Variants in PLEKHA2 observed in about 807,000 individuals in gnomAD.
PLEKHA2 encodes the protein pleckstrin homology domain-containing family A member 2.
PLEKHA2 carries 28 observed loss-of-function variants against 53.2 expected under a neutral mutation model. The observed-to-expected ratio is 0.53, with a 90% CI of 0.39 to 0.72. The LOEUF is 0.72. Ranked by LOEUF, PLEKHA2 falls within the 30% of genes least tolerant of loss-of-function variation. The pLI is 0.00. For missense variants in PLEKHA2, 426 were observed against 537.9 expected (o/e 0.79, Z 2.06); for synonymous variants, 193 against 196.4 (o/e 0.98, Z 0.14).
At position 38,970,099 on chromosome 8, in the gene PLEKHA2, G is replaced by GTTTTAGC; in HGVS notation, c.*317_*323dup. On this transcript the variant is annotated 3_prime_UTR_variant, in exon 12 of 12. Coordinates refer to ENST00000617275, the MANE Select transcript of PLEKHA2 (RefSeq NM_021623.2). ...TCTGAGGTCTTCCTGGAGAGGGATT[G>GTTTTAGC]TTTTAGCAGCTCCTCTCCAGAGGGG... The GTTTTAGC allele has an allele frequency of 2.1e-6, 1 of 466,950 alleles. No individual in the cohort carries two copies. Among genetic ancestry groups the GTTTTAGC allele is most frequent in the Non-Finnish European group, 3.7e-6 (1 of 269,934 alleles). 28.9% of individuals were successfully genotyped at this position (466,950 alleles called of 1,614,324 possible). A position where few individuals can be genotyped will look rare whatever the true frequency, so the allele number is the denominator to read the frequency against.
At position 38,972,052 on chromosome 8, in the gene PLEKHA2, TAAAC is replaced by T. The variant is rs1209217335; in HGVS notation, c.*2271_*2274del. ...GATCTCTTTTGAGAATGTGACAAATTAAACATACATAGAATCCATATGGTATTAT... is the reference window on the plus strand; with the variant it reads ...GATCTCTTTTGAGAATGTGACAAATTATACATAGAATCCATATGGTATTAT... On this transcript the variant is annotated 3_prime_UTR_variant, in exon 12 of 12. Coordinates refer to ENST00000617275, the MANE Select transcript of PLEKHA2 (RefSeq NM_021623.2). 1 of 152,226 alleles carries T rather than the reference TAAAC, an allele frequency of 6.6e-6. No individual in the cohort carries two copies. Among genetic ancestry groups the T allele is most frequent in the Non-Finnish European group, 1.5e-5 (1 of 68,042 alleles). 9.4% of individuals were successfully genotyped at this position (152,226 alleles called of 1,614,324 possible). A position where few individuals can be genotyped will look rare whatever the true frequency, so the allele number is the denominator to read the frequency against.
chr8:38,937,483 G>T (rs1834518170), intron 3 of PLEKHA2, among the ~76,000 whole-genome samples: 1 of 152,166 alleles, frequency 6.6e-6, no homozygotes, highest in African/African-American at 2.4e-5. Flanking sequence ...TCCTGTGTGA[G>T]AGGGTTTGGG....
intron 10 of PLEKHA2, among the ~76,000 whole-genome samples, chr8:38,960,127 A>G (rs1387870892): frequency 1.3e-5 from 2 of 152,226 alleles, no homozygotes; most frequent in Non-Finnish European, 2.9e-5. Flanking sequence ...CACATTTACC[A>G]GAAGATTCTA....
At chr8:38,947,207 C>G (rs888758503) in intron 5 of PLEKHA2, among the ~76,000 whole-genome samples, 17 of 152,212 alleles carry the variant, frequency 1.1e-4, no homozygotes, top group African/African-American at 4.1e-4. Context: ...GGTGCAGTGG[C>G]TCACGCTTGT....
intron 2 of PLEKHA2, among the ~76,000 whole-genome samples, chr8:38,925,109 T>C (rs7835508): frequency 0.35 from 53,850 of 152,094 alleles, 9,975 homozygotes; most frequent in Non-Finnish European, 0.4. Context: ...GTAGGCACGA[T>C]GTAATACAGC....
At chr8:38,936,078 T>G in intron 3 of PLEKHA2, 28 bp downstream of exon 3, 1 of 1,607,362 alleles carries the variant, frequency 6.2e-7, no homozygotes, top group Non-Finnish European at 8.5e-7. Flanking sequence ...CTCTGGGAAT[T>G]CATGCTCTGT....
intron 10 of PLEKHA2, 61 bp downstream of exon 10, chr8:38,957,447 G>T: frequency 7.2e-7 from 1 of 1,381,586 alleles, no homozygotes; most frequent in Non-Finnish European, 1.0e-6. Context: ...GCCCTCACAG[G>T]CCGTGTCCTT....
At chr8:38,954,649 C>T (rs1476070654) in intron 9 of PLEKHA2, among the ~76,000 whole-genome samples, 1 of 152,098 alleles carries the variant, frequency 6.6e-6, no homozygotes, top group Non-Finnish European at 1.5e-5. Context: ...TCCCTGGAAC[C>T]CAGTCCAGGG....
At chr8:38,902,679 A>G (rs1564094956) in intron 1 of PLEKHA2, among the ~76,000 whole-genome samples, 1 of 152,208 alleles carries the variant, frequency 6.6e-6, no homozygotes, top group Non-Finnish European at 1.5e-5. Context: ...AAGCCTTCCG[A>G]AACAGCAAAG....
At position 38,972,352 on chromosome 8, in the gene PLEKHA2, A is replaced by T. The variant is rs1835266532; in HGVS notation, c.*2569A>T. On this transcript the variant is annotated 3_prime_UTR_variant, in exon 12 of 12. Coordinates refer to ENST00000617275, the MANE Select transcript of PLEKHA2 (RefSeq NM_021623.2). ...CAGGGTTGTGCTACCACGCCTGGCT[A>T]ATTTTTAATTTTTTTTTATCTACAG... The T allele has an allele frequency of 6.6e-6, 1 of 152,034 alleles. No homozygotes were observed. The highest frequency in any genetic ancestry group is 2.4e-5 in the African/African-American group (1 of 41,382). The allele number at this position is 152,034 out of a possible 1,614,324, so 9.4% of individuals were successfully genotyped here.
At chr8:38,919,156 T>C (rs1834135000) in intron 2 of PLEKHA2, among the ~76,000 whole-genome samples, 1 of 152,218 alleles carries the variant, frequency 6.6e-6, no homozygotes, top group African/African-American at 2.4e-5. Context: ...CAGTTTTGTT[T>C]CCTCATGGTC....
chr8:38,920,565 G>A (rs1306487402), intron 2 of PLEKHA2, among the ~76,000 whole-genome samples: 2 of 150,142 alleles, frequency 1.3e-5, no homozygotes, highest in African/African-American at 2.4e-5. Flanking sequence ...ATGAGCCGTT[G>A]CACCTGGCCG....
chr8:38,921,588 C>T (rs1039628740), intron 2 of PLEKHA2, among the ~76,000 whole-genome samples: 12 of 152,230 alleles, frequency 7.9e-5, no homozygotes, highest in Admixed American at 5.2e-4. Flanking sequence ...CCTCGGGCTG[C>T]CTTCTAAGCT....
In PLEKHA2 at chr8:38,972,213, G is replaced by A. The variant is rs908298904; in HGVS notation, c.*2430G>A. Reference sequence around the variant, plus strand: ...TTTTTTTTAATTTTTAAAAGACAGGGTCTCACTCTCTTACCCAGGCTAGAG... The same window carrying A: ...TTTTTTTTAATTTTTAAAAGACAGGATCTCACTCTCTTACCCAGGCTAGAG... On this transcript the variant is annotated 3_prime_UTR_variant, in exon 12 of 12. Coordinates refer to ENST00000617275, the MANE Select transcript of PLEKHA2 (RefSeq NM_021623.2). 2 of 151,780 alleles carry A rather than the reference G, an allele frequency of 1.3e-5. No homozygotes were observed. Among genetic ancestry groups the A allele is most frequent in the Non-Finnish European group, 2.9e-5 (2 of 67,982 alleles). 9.4% of individuals were successfully genotyped at this position (151,780 alleles called of 1,614,324 possible).
At chr8:38,935,911 A>G (rs1278116374) in intron 2 of PLEKHA2, 83 bp from the exon 3 acceptor site, 2 of 1,363,410 alleles carry the variant, frequency 1.5e-6, no homozygotes, top group Admixed American at 1.7e-5. Flanking sequence ...GGAAAGTGGC[A>G]TAAACAGAGC....
rs2129425984 is a variant in PLEKHA2 at position 38,971,633 on chromosome 8, A to C, written c.*1850A>C. On this transcript the variant is annotated 3_prime_UTR_variant, in exon 12 of 12. Transcript: ENST00000617275. ...ATACATTGTGAAAATCTACCCATTT[A>C]TCTCTCTCTCTCTCTTTTCTTTTAA... 2 of 151,952 alleles carry C rather than the reference A, an allele frequency of 1.3e-5. No individual in the cohort carries two copies. The highest frequency in any genetic ancestry group is 3.9e-4 in the East Asian group (2 of 5,180). 9.4% of individuals were successfully genotyped at this position (151,952 alleles called of 1,614,324 possible). A position where few individuals can be genotyped will look rare whatever the true frequency, so the allele number is the denominator to read the frequency against.
intron 2 of PLEKHA2, among the ~76,000 whole-genome samples, chr8:38,929,658 CT>C (rs1371695816): frequency 6.6e-6 from 1 of 152,208 alleles, no homozygotes; most frequent in African/African-American, 2.4e-5. Context: ...AGCAGCATGT[CT>C]GGCGCATCAT....
intron 9 of PLEKHA2, among the ~76,000 whole-genome samples, chr8:38,954,105 C>T (rs1250981807): frequency 6.6e-6 from 1 of 152,138 alleles, no homozygotes; most frequent in East Asian, 1.9e-4. Context: ...GTGTTTGTGT[C>T]CCTCCGTCTC....
chr8:38,941,922 G>A (rs895098241), intron 3 of PLEKHA2, among the ~76,000 whole-genome samples: 2 of 152,070 alleles, frequency 1.3e-5, no homozygotes, highest in South Asian at 2.1e-4. Context: ...ATTTATTTGG[G>A]GCAATATTAA....
Sources: allele counts gnomAD v4.1 joint callset (sites outside exome capture counted in the v4.1 genomes callset), GRCh38; gene constraint gnomAD v4.1.1; transcripts MANE v1.5; gene names NCBI Gene and HGNC (gene_info 2026-07-23, HGNC 2026-07-21).